Variants in CDC42 observed in about 807,000 individuals in gnomAD.
The protein encoded by CDC42 is cell division control protein 42 homolog.
In CDC42, 1 loss-of-function variant was observed where a neutral mutation model predicts 20.8. The observed-to-expected ratio is 0.05, with a 90% CI of 0.02 to 0.23. The LOEUF is 0.23. Ranked by LOEUF, CDC42 falls within the 10% of genes least tolerant of loss-of-function variation. The pLI is 1.00. For missense variants in CDC42, 49 were observed against 227.9 expected (o/e 0.21, Z 5.05); for synonymous variants, 72 against 84.8 (o/e 0.85, Z 0.83).
At chr1:22,072,270 T>G (rs1054368967) in intron 1 of CDC42, among the ~76,000 whole-genome samples, 1 of 151,790 alleles carries the variant, frequency 6.6e-6, no homozygotes, top group Admixed American at 6.6e-5. Flanking sequence ...GCTAATTTTT[T>G]GTATTTTTAG....
Position 22,090,900 on chromosome 1 carries a change from ACT to A in CDC42, c.487-525_487-524del, listed in dbSNP as rs1294490431. 1.1e-5 allele frequency: 6 copies of A among 526,440 alleles called. No homozygotes were observed. The East Asian group carries it at 6.0e-4, about 52-fold the overall frequency. The allele number at this position is 526,440 out of a possible 1,614,324, so 32.6% of individuals were successfully genotyped here. On this transcript the variant is annotated intron_variant, in intron 5 of 5. Transcript: ENST00000656825. ...ATTTTTGCTCCCTTGAATCTCCTTG[ACT>A]CTGTCTAACTGGTGGGATAAAGGGA...
chr1:22,055,982 A>C (rs16826231), intron 1 of CDC42, among the ~76,000 whole-genome samples: 1,988 of 151,028 alleles, frequency 0.013, 49 homozygotes, highest in African/African-American at 0.043. Flanking sequence ...CCATGAAAAT[A>C]TCTCTCTGTA....
At chr1:22,062,956 C>T (rs1037067126) in intron 1 of CDC42, among the ~76,000 whole-genome samples, 1 of 152,036 alleles carries the variant, frequency 6.6e-6, no homozygotes, top group African/African-American at 2.4e-5. Context: ...AGTTTCTTAG[C>T]TGACTTCCTT....
intron 1 of CDC42, among the ~76,000 whole-genome samples, chr1:22,069,780 T>TTTTG (rs142132504): frequency 4.0e-5 from 6 of 149,092 alleles, no homozygotes; most frequent in Admixed American, 2.0e-4. Context: ...GTAGAGGTTT[T>TTTTG]TTTGTTTGTT....
At chr1:22,081,926 A>G (rs1645611986) in intron 3 of CDC42, 132 bp downstream of exon 3, 2 of 645,284 alleles carry the variant, frequency 3.1e-6, no homozygotes, top group Non-Finnish European at 5.4e-6. Context: ...AGGATTGAAT[A>G]TAATGATTGT....
At chr1:22,062,487 A>G (rs903290075) in intron 1 of CDC42, among the ~76,000 whole-genome samples, 3 of 152,184 alleles carry the variant, frequency 2.0e-5, no homozygotes, top group Non-Finnish European at 4.4e-5. Flanking sequence ...ATAGGCTGGC[A>G]TGATTTCATT....
chr1:22,066,427 TG>T (rs1396727413), intron 1 of CDC42, among the ~76,000 whole-genome samples: 4 of 152,062 alleles, frequency 2.6e-5, no homozygotes, highest in Non-Finnish European at 5.9e-5. Context: ...AAAAATAACA[TG>T]GTTAATTACT....
At chr1:22,091,298 T>G in intron 5 of CDC42, 130 bp from the exon 6 acceptor site, 1 of 612,446 alleles carries the variant, frequency 1.6e-6, no homozygotes. Flanking sequence ...ATTATTGTGT[T>G]GAGATTCAGG....
chr1:22,068,035 T>C (rs1184437335), intron 1 of CDC42, among the ~76,000 whole-genome samples: 1 of 152,064 alleles, frequency 6.6e-6, no homozygotes, highest in Non-Finnish European at 1.5e-5. Context: ...TGAGCTGTGA[T>C]TGAGCCACTC....
chr1:22,082,223 G>C (rs1279548022), intron 3 of CDC42, among the ~76,000 whole-genome samples: 1 of 150,774 alleles, frequency 6.6e-6, no homozygotes, highest in Non-Finnish European at 1.5e-5. Context: ...TATGCCTAAG[G>C]TTATAAGGTC....
At chr1:22,064,593 G>C (rs1645401544) in intron 1 of CDC42, among the ~76,000 whole-genome samples, 2 of 152,110 alleles carry the variant, frequency 1.3e-5, no homozygotes, top group Non-Finnish European at 2.9e-5. Context: ...GCCTGGCCTT[G>C]TGAGTGCTCT....
At chr1:22,080,662 A>G (rs751103376) in intron 2 of CDC42, among the ~76,000 whole-genome samples, 3 of 152,250 alleles carry the variant, frequency 2.0e-5, no homozygotes, top group Non-Finnish European at 4.4e-5. Flanking sequence ...TCAATTGTAA[A>G]TTAATTCTAA....
intron 1 of CDC42, among the ~76,000 whole-genome samples, chr1:22,061,103 G>A (rs1015070659): frequency 6.6e-6 from 1 of 152,170 alleles, no homozygotes; most frequent in African/African-American, 2.4e-5. Flanking sequence ...ATGGGCTTGG[G>A]TGTCAGATAA....
chr1:22,087,205 A>G (rs1216793429), intron 5 of CDC42, among the ~76,000 whole-genome samples: 1 of 152,028 alleles, frequency 6.6e-6, no homozygotes, highest in African/African-American at 2.4e-5. Flanking sequence ...AAACACTTAA[A>G]TTTTCATCTG....
intron 1 of CDC42, 103 bp from the exon 2 acceptor site, chr1:22,078,326 T>C: frequency 1.8e-6 from 1 of 551,542 alleles, no homozygotes; most frequent in Non-Finnish European, 3.2e-6. Context: ...ATAATAATTG[T>C]GCTAGTTCTT....
intron 2 of CDC42, among the ~76,000 whole-genome samples, chr1:22,080,525 C>A (rs1488873472): frequency 6.6e-6 from 1 of 152,258 alleles, no homozygotes; most frequent in Middle Eastern, 3.4e-3. Flanking sequence ...TTAAGTAGGG[C>A]TGGTCTTAAA....
intron 3 of CDC42, among the ~76,000 whole-genome samples, chr1:22,085,230 TAAAA>T (rs552267987): frequency 1.7e-4 from 3 of 17,496 alleles, no homozygotes; most frequent in Middle Eastern, 0.021. Flanking sequence ...AGACTCTGTC[TAAAA>T]AAAAAAAAAA....
intron 2 of CDC42, chr1:22,078,905 G>A (rs2072921): frequency 0.15 from 147,444 of 967,692 alleles, 10,540 homozygotes; most frequent in Admixed American, 0.19. Flanking sequence ...TTTTTTTTTT[G>A]ATATTTTGGC....
rs1268483183 is a variant in CDC42, at chr1:22,096,379, C to T, written c.*4862C>T. Among the ~76,000 whole-genome samples the T allele has an allele frequency of 6.6e-6, 1 of 152,184 alleles. No individual in the cohort carries two copies. The highest frequency in any genetic ancestry group is 1.5e-5 in the Non-Finnish European group (1 of 68,028). The stretch of plus-strand genomic sequence containing the variant: ...TCTCCTGACTTCTACTTGGAATTTT[C>T]TTTCCCTTACAGTTTTGATAGCTGC... On this transcript the variant is annotated 3_prime_UTR_variant, in exon 6 of 6. Coordinates refer to ENST00000656825, the MANE Select transcript of CDC42 (RefSeq NM_001791.4).
Sources: allele counts gnomAD v4.1 joint callset (sites outside exome capture counted in the v4.1 genomes callset), GRCh38; gene constraint gnomAD v4.1.1; transcripts MANE v1.5; gene names NCBI Gene and HGNC (gene_info 2026-07-23, HGNC 2026-07-21).